Variants in GRID1 observed in about 807,000 individuals in gnomAD.
The protein encoded by GRID1 is glutamate receptor ionotropic, delta-1.
In GRID1, 28 loss-of-function variants were observed where a neutral mutation model predicts 98.0. The observed-to-expected ratio is 0.29, with a 90% CI of 0.21 to 0.39. The LOEUF is 0.39. Ranked by LOEUF, GRID1 falls within the 10% of genes least tolerant of loss-of-function variation. The pLI is 1.00. For synonymous variants in GRID1, 553 were observed against 538.5 expected (o/e 1.03, Z -0.37); for missense variants, 1,111 against 1,340.5 (o/e 0.83, Z 2.67).
chr10:86,320,646 AAC>A (rs1435116857), intron 2 of GRID1, among the ~76,000 whole-genome samples: 1 of 152,154 alleles, frequency 6.6e-6, no homozygotes, highest in East Asian at 1.9e-4. Context: ...AATGCTATTG[AAC>A]TGTACACTTA....
At chr10:85,936,352 A>AGTTTT (rs1841925387) in intron 4 of GRID1, among the ~76,000 whole-genome samples, 1 of 152,144 alleles carries the variant, frequency 6.6e-6, no homozygotes, top group African/African-American at 2.4e-5. Context: ...AGAATATCAC[A>AGTTTT]CTGTTTATGC....
intron 2 of GRID1, among the ~76,000 whole-genome samples, chr10:86,235,082 C>T (rs764273532): frequency 9.2e-5 from 14 of 152,238 alleles, no homozygotes; most frequent in Admixed American, 5.9e-4. Context: ...CCCTACTCCC[C>T]GGGCCAGAGC....
At chr10:85,641,911 A>G (rs1275347652) in intron 13 of GRID1, among the ~76,000 whole-genome samples, 1 of 152,172 alleles carries the variant, frequency 6.6e-6, no homozygotes, top group Non-Finnish European at 1.5e-5. Context: ...AGAGGCACCT[A>G]TGAGCTGTTA....
intron 13 of GRID1, among the ~76,000 whole-genome samples, chr10:85,630,128 C>T (rs1361693924): frequency 6.6e-6 from 1 of 152,218 alleles, no homozygotes; most frequent in East Asian, 1.9e-4. Context: ...TGCCTTTTCT[C>T]TTATGTTATC....
At chr10:86,052,050 T>G (rs1227837948) in intron 4 of GRID1, among the ~76,000 whole-genome samples, 11 of 152,206 alleles carry the variant, frequency 7.2e-5, no homozygotes, top group African/African-American at 2.7e-4. Context: ...ATGTTATCAT[T>G]AGGAAGCTGG....
intron 12 of GRID1, among the ~76,000 whole-genome samples, chr10:85,653,163 T>C (rs1840847488): frequency 1.3e-5 from 2 of 152,222 alleles, no homozygotes; most frequent in Non-Finnish European, 2.9e-5. Flanking sequence ...ACTTGCAGGC[T>C]GTGACAAAGC....
intron 8 of GRID1, among the ~76,000 whole-genome samples, chr10:85,773,556 A>T (rs1335740919): frequency 1.3e-5 from 2 of 152,222 alleles, no homozygotes; most frequent in Non-Finnish European, 2.9e-5. Context: ...AGATGACATG[A>T]TTGTATATCT....
chr10:86,068,931 A>G (rs1330674714), intron 4 of GRID1, among the ~76,000 whole-genome samples: 1 of 151,878 alleles, frequency 6.6e-6, no homozygotes, highest in Non-Finnish European at 1.5e-5. Context: ...TCTGCCTCCA[A>G]TCACCCCCTG....
intron 8 of GRID1, among the ~76,000 whole-genome samples, chr10:85,733,146 G>A (rs1468853436): frequency 6.6e-6 from 1 of 152,158 alleles, no homozygotes; most frequent in Non-Finnish European, 1.5e-5. Flanking sequence ...ACTAATGAAT[G>A]TTCAGCCCAA....
rs186662761 is a variant in GRID1, at chr10:85,935,101, A to G, written c.727-18862T>C. Among the ~76,000 whole-genome samples, 895 of 152,352 alleles carry G rather than the reference A, an allele frequency of 5.9e-3. 11 individuals carry two copies. The highest frequency in any genetic ancestry group is 0.019 in the African/African-American group (790 of 41,572). Reference sequence around the variant, plus strand: ...CGGGTCCCGGCTAACAGCTCTATACAGATTACTTCCCTGAATCCTTACAGT... The same window carrying G: ...CGGGTCCCGGCTAACAGCTCTATACGGATTACTTCCCTGAATCCTTACAGT... On this transcript the variant is annotated intron_variant, in intron 4 of 15. Coordinates refer to ENST00000327946, the MANE Select transcript of GRID1 (RefSeq NM_017551.3).
intron 12 of GRID1, among the ~76,000 whole-genome samples, chr10:85,703,277 A>G (rs1394847519): frequency 6.6e-6 from 1 of 152,126 alleles, no homozygotes; most frequent in Non-Finnish European, 1.5e-5. Context: ...ACTCCAGCTG[A>G]TAAAAAATCC....
chr10:85,679,964 G>A (rs553016476), intron 12 of GRID1, among the ~76,000 whole-genome samples: 59 of 152,284 alleles, frequency 3.9e-4, no homozygotes, highest in African/African-American at 1.4e-3. Flanking sequence ...GGCAGTCACG[G>A]AAAGAGTCCT....
intron 4 of GRID1, among the ~76,000 whole-genome samples, chr10:85,995,236 T>G (rs1842726337): frequency 6.6e-6 from 1 of 152,220 alleles, no homozygotes; most frequent in African/African-American, 2.4e-5. Context: ...GGAACTTTGA[T>G]GGGACGGCCA....
At chr10:85,784,849 T>G (rs527913253) in intron 8 of GRID1, among the ~76,000 whole-genome samples, 1 of 152,228 alleles carries the variant, frequency 6.6e-6, no homozygotes, top group Non-Finnish European at 1.5e-5. Flanking sequence ...TATGGAATAG[T>G]GTTTTCACTG....
chr10:86,101,894 A>C lies in GRID1; in HGVS notation c.726+36925T>G, dbSNP rs12241378. On this transcript the variant is annotated intron_variant, in intron 4 of 15. Coordinates refer to ENST00000327946, the MANE Select transcript of GRID1 (RefSeq NM_017551.3). ...GTCTCAAACTCCCTTTTTAATGCTG[A>C]ATAATATTCCATTGTATGGCTGTAC... Among the ~76,000 whole-genome samples, 717 of 152,140 alleles carry C rather than the reference A, an allele frequency of 4.7e-3. 8 individuals carry two copies. The highest frequency in any genetic ancestry group is 0.016 in the African/African-American group (680 of 41,494).
chr10:86,047,610 TGAG>T (rs1843441984), intron 4 of GRID1, among the ~76,000 whole-genome samples: 1 of 152,100 alleles, frequency 6.6e-6, no homozygotes, highest in Admixed American at 6.5e-5. Flanking sequence ...CATTAAGGAC[TGAG>T]GAGATCAAAG....
chr10:85,909,114 T>C (rs34935529), intron 5 of GRID1, among the ~76,000 whole-genome samples: 246 of 152,234 alleles, frequency 1.6e-3, no homozygotes, highest in Non-Finnish European at 2.6e-3. Context: ...CCAATATAAA[T>C]GGGTAAGTTG....
chr10:86,332,751 C>A (rs1021922623), intron 2 of GRID1, among the ~76,000 whole-genome samples: 24 of 149,896 alleles, frequency 1.6e-4, no homozygotes, highest in African/African-American at 6.0e-4. Flanking sequence ...TGGTCTACAC[C>A]GACCTCACAT....
intron 13 of GRID1, among the ~76,000 whole-genome samples, chr10:85,631,605 T>A (rs2132535349): frequency 6.6e-6 from 1 of 152,336 alleles, no homozygotes; most frequent in East Asian, 1.9e-4. Flanking sequence ...TTTCTCAAAA[T>A]CTGCAATTGT....
Sources: allele counts gnomAD v4.1 joint callset (sites outside exome capture counted in the v4.1 genomes callset), GRCh38; gene constraint gnomAD v4.1.1; transcripts MANE v1.5; gene names NCBI Gene and HGNC (gene_info 2026-07-23, HGNC 2026-07-21).